Variants in MINDY2 observed in about 807,000 individuals in gnomAD.
MINDY2 encodes ubiquitin carboxyl-terminal hydrolase MINDY-2.
Under a neutral mutation model 68.2 loss-of-function variants are expected in MINDY2, and 52 were observed. That is an observed-to-expected ratio of 0.76 (90% CI 0.61 to 0.96). MINDY2 has a LOEUF of 0.96. MINDY2 is among the 40% of genes least tolerant of loss of function. The pLI, the probability that MINDY2 is intolerant of heterozygous loss-of-function variation, is 0.00. For synonymous variants in MINDY2, 372 were observed against 303.0 expected, an observed-to-expected ratio of 1.23 and a Z score of -2.36; for missense variants, 881 against 773.4, an observed-to-expected ratio of 1.14 and a Z score of -1.65.
intron 3 of MINDY2, among the ~76,000 whole-genome samples, chr15:58,803,189 G>A (rs1335929447): frequency 6.6e-6 from 1 of 152,176 alleles, no homozygotes; most frequent in Non-Finnish European, 1.5e-5. Flanking sequence ...CAAGTTGGCT[G>A]GGCGTGGTGG....
In MINDY2 at chr15:58,816,276, C is replaced by G. The variant is rs186749184; in HGVS notation, c.1123-5441C>G. Among the ~76,000 whole-genome samples the G allele has an allele frequency of 2.0e-3, 305 of 152,314 alleles. 3 individuals carry two copies. The highest frequency in any genetic ancestry group is 7.0e-3 in the African/African-American group (292 of 41,574). On this transcript the variant is annotated intron_variant, in intron 4 of 8. Transcript: ENST00000559228. Reference sequence around the variant, plus strand: ...AACTCTGAGAATTTCACTGAAAAGTCTCAACATGTCCAGCAGTTTATACAT... The same window carrying G: ...AACTCTGAGAATTTCACTGAAAAGTGTCAACATGTCCAGCAGTTTATACAT...
chr15:58,861,578 ATT>A lies in MINDY2; in HGVS notation c.*6970_*6971del, dbSNP rs1366099056. 6.6e-6 allele frequency: 1 copy of A among 152,216 alleles called. No homozygotes were observed. The highest frequency in any genetic ancestry group is 2.4e-5 in the African/African-American group (1 of 41,460). 9.4% of individuals were successfully genotyped at this position (152,216 alleles called of 1,614,324 possible). On this transcript the variant is annotated 3_prime_UTR_variant, in exon 9 of 9. Transcript: ENST00000559228. ...GTTGAACTGAATTTCTGTGAAATAA[ATT>A]TGTTTTAAATACTAATTATTTTAAA... is the stretch of plus-strand genomic sequence containing the variant.
In MINDY2 at chr15:58,854,739, A is replaced by G. The variant is rs1466266730; in HGVS notation, c.*129A>G. 3 of 1,083,060 alleles carry G rather than the reference A, an allele frequency of 2.8e-6. No individual in the cohort carries two copies. In the Admixed American group the frequency reaches 7.3e-5, roughly 27 times the overall value. 67.1% of individuals were successfully genotyped at this position (1,083,060 alleles called of 1,614,324 possible). On this transcript the variant is annotated 3_prime_UTR_variant, in exon 9 of 9. Coordinates refer to ENST00000559228, the MANE Select transcript of MINDY2 (RefSeq NM_001040450.3). Reference sequence around the variant, plus strand: ...TGGATTTTGTTCGTTTTTTCAGGGGAACGGTTGTTACTTAGTTACAATCAG... The same window carrying G: ...TGGATTTTGTTCGTTTTTTCAGGGGGACGGTTGTTACTTAGTTACAATCAG...
chr15:58,783,139 T>G (rs1901269205), intron 1 of MINDY2, among the ~76,000 whole-genome samples: 1 of 152,002 alleles, frequency 6.6e-6, no homozygotes, highest in African/African-American at 2.4e-5. Context: ...CAGGCTGGTC[T>G]TGAACTCCTA....
intron 6 of MINDY2, among the ~76,000 whole-genome samples, chr15:58,844,251 A>T (rs1455005049): frequency 6.6e-6 from 1 of 152,194 alleles, no homozygotes; most frequent in African/African-American, 2.4e-5. Context: ...CTGTGGACTA[A>T]TAATCTCCAT....
chr15:58,820,157 T>A (rs529941729), intron 4 of MINDY2, among the ~76,000 whole-genome samples: 110 of 152,136 alleles, frequency 7.2e-4, no homozygotes, highest in Non-Finnish European at 1.3e-3. Flanking sequence ...TCTCAGCTAC[T>A]AGGGAGGCTG....
At chr15:58,776,358 A>G (rs1900772348) in intron 1 of MINDY2, among the ~76,000 whole-genome samples, 1 of 152,138 alleles carries the variant, frequency 6.6e-6, no homozygotes, top group African/African-American at 2.4e-5. Context: ...AGACAGAGAG[A>G]AAACAGAGGA....
At chr15:58,810,792 A>T (rs1400154964) in intron 4 of MINDY2, among the ~76,000 whole-genome samples, 1 of 152,228 alleles carries the variant, frequency 6.6e-6, no homozygotes, top group African/African-American at 2.4e-5. Context: ...CAAAGGAAAG[A>T]GACACATACG....
chr15:58,819,548 G>T (rs927095745), intron 4 of MINDY2, among the ~76,000 whole-genome samples: 2 of 152,080 alleles, frequency 1.3e-5, no homozygotes, highest in East Asian at 1.9e-4. Flanking sequence ...GAGTTTTGCT[G>T]TGTTACTCAG....
chr15:58,797,979 C>T (rs1005031524), intron 2 of MINDY2, among the ~76,000 whole-genome samples: 5 of 152,204 alleles, frequency 3.3e-5, no homozygotes, highest in Admixed American at 3.3e-4. Flanking sequence ...AATGTGCTGT[C>T]TCCATCTGGG....
chr15:58,776,744 G>T (rs1226992619), intron 1 of MINDY2, among the ~76,000 whole-genome samples: 1 of 152,086 alleles, frequency 6.6e-6, no homozygotes, highest in African/African-American at 2.4e-5. Flanking sequence ...GAGGTAGGCC[G>T]TGTGTGGTGG....
intron 1 of MINDY2, among the ~76,000 whole-genome samples, chr15:58,778,731 A>G (rs901506868): frequency 6.6e-6 from 1 of 151,352 alleles, no homozygotes. Context: ...AGCTCAAGCA[A>G]TCCTCCCACC....
intron 2 of MINDY2, among the ~76,000 whole-genome samples, chr15:58,798,458 A>ATTTT: frequency 6.9e-6 from 1 of 143,962 alleles, no homozygotes. Context: ...GTAAAAAAAA[A>ATTTT]TTTTTTTTTT....
Position 58,852,269 on chromosome 15 carries a change from T to G in MINDY2, c.1737+304T>G, listed in dbSNP as rs183701393. On this transcript the variant is annotated intron_variant, in intron 8 of 8. Coordinates refer to ENST00000559228, the MANE Select transcript of MINDY2 (RefSeq NM_001040450.3). ...TGCCACTACACTCCAGTCAGGATGA[T>G]AGAGCAAGACTCCTTCTCAAAAAAA... 3.9e-3 allele frequency among the ~76,000 whole-genome samples: 340 copies of G among 86,420 alleles called. 3 individuals carry two copies. Among genetic ancestry groups the G allele is most frequent in the African/African-American group, 0.014 (315 of 22,116 alleles). 56.7% of individuals were successfully genotyped at this position (86,420 alleles called of 152,430 possible).
chr15:58,803,755 G>A (rs1405486675), intron 3 of MINDY2, among the ~76,000 whole-genome samples: 1 of 152,028 alleles, frequency 6.6e-6, no homozygotes, highest in Non-Finnish European at 1.5e-5. Flanking sequence ...GGCGGAGGTT[G>A]CAGTGAGCCG....
intron 6 of MINDY2, among the ~76,000 whole-genome samples, chr15:58,845,171 C>T (rs569684621): frequency 7.2e-5 from 11 of 151,840 alleles, no homozygotes; most frequent in Non-Finnish European, 4.4e-5. Flanking sequence ...TTTGGGAGGC[C>T]CAGGTGGGCA....
At chr15:58,845,812 C>T (rs2032501092) in intron 6 of MINDY2, among the ~76,000 whole-genome samples, 1 of 152,098 alleles carries the variant, frequency 6.6e-6, no homozygotes, top group Non-Finnish European at 1.5e-5. Flanking sequence ...CATTGACAGA[C>T]AAGTGGATAA....
chr15:58,820,286 A>C (rs2030977699), intron 4 of MINDY2, among the ~76,000 whole-genome samples: 1 of 151,688 alleles, frequency 6.6e-6, no homozygotes, highest in Non-Finnish European at 1.5e-5. Flanking sequence ...ACAAACAAAC[A>C]AACAAAAATT....
At chr15:58,826,308 C>G (rs1348138840) in intron 5 of MINDY2, among the ~76,000 whole-genome samples, 1 of 147,478 alleles carries the variant, frequency 6.8e-6, no homozygotes, top group Non-Finnish European at 1.5e-5. Context: ...TGGCTTACCA[C>G]AACCTCTGCC....
Sources: gnomAD v4.1 joint callset for allele counts (sites outside exome capture counted in the v4.1 genomes callset) on GRCh38, gnomAD v4.1.1 for gene constraint, MANE v1.5 for transcripts, NCBI Gene and HGNC (gene_info 2026-07-23, HGNC 2026-07-21) for gene names.